The following MYNN variants were observed in gnomAD, a reference collection of about 807,000 sequenced individuals.
MYNN encodes zinc finger and BTB domain-containing protein 31.
A neutral mutation model predicts 57.2 loss-of-function variants in MYNN; 22 were observed. That is an observed-to-expected ratio of 0.38 (90% CI 0.27 to 0.55). MYNN has a LOEUF of 0.55. Ranked by LOEUF, MYNN falls within the 20% of genes least tolerant of loss-of-function variation. The probability of loss-of-function intolerance (pLI) is 0.71; values close to 1 mark genes in which losing one functional copy is unlikely to be tolerated. For synonymous variants in MYNN, 241 were observed against 257.1 expected (o/e 0.94, Z 0.60); for missense variants, 566 against 723.1 (o/e 0.78, Z 2.49).
rs189742983 is a variant in MYNN at position 169,777,020 on chromosome 3, T to A, written c.267-1748T>A. 5.9e-5 allele frequency among the ~76,000 whole-genome samples: 9 copies of A among 152,218 alleles called. No homozygotes were observed. The East Asian group carries it at 1.3e-3, about 23-fold the overall frequency. ...TAATGTATGACTTCCTGCTAACTTA[T>A]ATTGGTCTTAAAGGCTACCTGACCT... On this transcript the variant is annotated intron_variant, in intron 2 of 7. Transcript: ENST00000349841.
In MYNN at chr3:169,789,487, A is replaced by G. The variant is rs978766641; in HGVS notation, c.*2809A>G. The G allele has an allele frequency of 2.0e-5, 3 of 152,196 alleles. No homozygotes were observed. Among genetic ancestry groups the G allele is most frequent in the Non-Finnish European group, 4.4e-5 (3 of 68,028 alleles). 9.4% of individuals were successfully genotyped at this position (152,196 alleles called of 1,614,324 possible). The stretch of plus-strand genomic sequence containing the variant: ...ATATGCTGGGGAAGCCCCATAGGTG[A>G]TTTTAATGTATACCAAACATGTAGA... On this transcript the variant is annotated 3_prime_UTR_variant, in exon 8 of 8. Coordinates refer to ENST00000349841, the MANE Select transcript of MYNN (RefSeq NM_018657.5).
chr3:169,774,065 G>C, intron 1 of MYNN, 200 bp from the exon 2 acceptor site: 3 of 484,726 alleles, frequency 6.2e-6, no homozygotes, highest in Non-Finnish European at 1.1e-5. Flanking sequence ...GTCACTTATT[G>C]ATGTGTCCAA....
At chr3:169,784,829 C>CA in intron 7 of MYNN, 121 bp downstream of exon 7, 1 of 497,604 alleles carries the variant, frequency 2.0e-6, no homozygotes, top group South Asian at 3.4e-5. Flanking sequence ...ATGTCTATTT[C>CA]AAAAACTAGG....
In MYNN at chr3:169,782,363, G is replaced by A; in HGVS notation, c.1221-102G>A. ...GATTTTAAATACATAGTCTTGGCCT[G>A]TTAAGATGACATGAAATAAAATCTA... On this transcript the variant is annotated intron_variant, in intron 4 of 7. Coordinates refer to ENST00000349841, the MANE Select transcript of MYNN (RefSeq NM_018657.5). The surrounding 1 kb of genome is among the most constrained non-coding windows in gnomAD (Gnocchi z 4.8). 2 of 955,196 alleles carry A rather than the reference G, an allele frequency of 2.1e-6. No individual in the cohort carries two copies. Among genetic ancestry groups the A allele is most frequent in the Non-Finnish European group, 3.1e-6 (2 of 650,778 alleles). The allele number at this position is 955,196 out of a possible 1,614,324, so 59.2% of individuals were successfully genotyped here.
At chr3:169,777,544 A>G (rs1778386109) in intron 2 of MYNN, 1 of 151,972 alleles carries the variant, frequency 6.6e-6, no homozygotes, top group African/African-American at 2.4e-5. Flanking sequence ...TTTTAGTGTT[A>G]ACACCAACTC....
At chr3:169,783,629 T>C (rs561763725) in intron 6 of MYNN, 69 bp downstream of exon 6, 2 of 1,087,546 alleles carry the variant, frequency 1.8e-6, no homozygotes, top group East Asian at 4.7e-5. Context: ...ACCTTGACTT[T>C]TAAGCCATTA....
intron 2 of MYNN, among the ~76,000 whole-genome samples, chr3:169,776,755 G>A (rs1778356713): frequency 7.1e-6 from 1 of 139,904 alleles, no homozygotes. Flanking sequence ...CCAGGCTGGA[G>A]TGCAATGGCG....
intron 1 of MYNN, 41 bp from the exon 2 acceptor site, chr3:169,774,224 A>G: frequency 6.7e-7 from 1 of 1,482,254 alleles, no homozygotes; most frequent in South Asian, 1.2e-5. Flanking sequence ...CGTTGATGAG[A>G]ACTTACGGTT....
In MYNN at chr3:169,784,504, T is replaced by C. The variant is rs552639934; in HGVS notation, c.1484-118T>C. 114 of 651,910 alleles carry C rather than the reference T, an allele frequency of 1.7e-4. 2 individuals carry two copies. The South Asian group carries it at 2.1e-3, about 12-fold the overall frequency. The allele number at this position is 651,910 out of a possible 1,614,324, so 40.4% of individuals were successfully genotyped here. Reference sequence around the variant, plus strand: ...ATAACCAGGTGATTAAAGTGACAATTTGAAACCAAATTTAAACACTATAAT... The same window carrying C: ...ATAACCAGGTGATTAAAGTGACAATCTGAAACCAAATTTAAACACTATAAT... On this transcript the variant is annotated intron_variant, in intron 6 of 7. Coordinates refer to ENST00000349841, the MANE Select transcript of MYNN (RefSeq NM_018657.5).
intron 2 of MYNN, 28 bp downstream of exon 2, chr3:169,774,589 T>C (rs370659143): frequency 1.9e-6 from 3 of 1,593,062 alleles, no homozygotes; most frequent in Non-Finnish European, 1.7e-6. Context: ...TTTTCAGTTA[T>C]AAAAGCTAGT....
intron 2 of MYNN, among the ~76,000 whole-genome samples, chr3:169,777,034 G>C (rs937341612): frequency 6.6e-6 from 1 of 152,156 alleles, no homozygotes; most frequent in Non-Finnish European, 1.5e-5. Context: ...GGTCTTAAAG[G>C]CTACCTGACC....
intron 2 of MYNN, chr3:169,777,905 C>T (rs1334334052): frequency 6.6e-6 from 1 of 152,160 alleles, no homozygotes; most frequent in Admixed American, 6.5e-5. Flanking sequence ...GTGGATTCCT[C>T]TAAGCAACAT....
At chr3:169,781,668 G>C (rs1342008353) in intron 4 of MYNN, among the ~76,000 whole-genome samples, 1 of 152,214 alleles carries the variant, frequency 6.6e-6, no homozygotes, top group Non-Finnish European at 1.5e-5. Context: ...AATCCCAAGT[G>C]AAGGAAGTTA....
chr3:169,784,834 AC>A, intron 7 of MYNN, 126 bp downstream of exon 7: 1 of 543,400 alleles, frequency 1.8e-6, no homozygotes, highest in Non-Finnish European at 3.2e-6. Context: ...TATTTCAAAA[AC>A]TAGGTATATA....
At position 169,779,013 on chromosome 3, in the gene MYNN, C is replaced by T. The variant is rs764466451; in HGVS notation, c.512C>T (p.Ala171Val). The change falls in exon 3 of 8, where the codon GCG (alanine) becomes GTG (valine). Residue 171 changes from alanine to valine, a missense_variant. Coordinates refer to ENST00000349841, the MANE Select transcript of MYNN (RefSeq NM_018657.5). ...ATTCAGGCAAATCCTAAACAAGGCG[C>T]GTTAGCGAAAAAGTCATCTCAAACG... is the stretch of plus-strand genomic sequence containing the variant. ...DLIQANPKQG[A>V]LAKKSSQTKK... 13 of 1,613,668 alleles carry T rather than the reference C, an allele frequency of 8.1e-6. No individual in the cohort carries two copies. The highest frequency in any genetic ancestry group is 6.6e-5 in the South Asian group (6 of 91,078).
Position 169,782,398 on chromosome 3 carries a change from T to G in MYNN, c.1221-67T>G. 1 of 1,299,512 alleles carries G rather than the reference T, an allele frequency of 7.7e-7. No individual in the cohort carries two copies. The highest frequency in any genetic ancestry group is 1.1e-6 in the Non-Finnish European group (1 of 946,292). 80.5% of individuals were successfully genotyped at this position (1,299,512 alleles called of 1,614,324 possible). A position where few individuals can be genotyped will look rare whatever the true frequency, so the allele number is the denominator to read the frequency against. ...CATGAAATAAAATCTATAAAAAACTTTATGAATTCTTGCTATATAGACTGA... is the reference window on the plus strand; with the variant it reads ...CATGAAATAAAATCTATAAAAAACTGTATGAATTCTTGCTATATAGACTGA... On this transcript the variant is annotated intron_variant, in intron 4 of 7. Transcript: ENST00000349841. The surrounding 1 kb of genome is among the most constrained non-coding windows in gnomAD (Gnocchi z 4.8).
Position 169,788,926 on chromosome 3 carries a change from C to T in MYNN, c.*2248C>T, listed in dbSNP as rs888611109. 2.0e-5 allele frequency: 3 copies of T among 152,090 alleles called. No individual in the cohort carries two copies. The highest frequency in any genetic ancestry group is 2.9e-5 in the Non-Finnish European group (2 of 67,994). The allele number at this position is 152,090 out of a possible 1,614,324, so 9.4% of individuals were successfully genotyped here. The stretch of plus-strand genomic sequence containing the variant: ...TCTGGTATCATTCTAACACTCATAA[C>T]TACCATTTTAGTTAAGTCCAACTTT... On this transcript the variant is annotated 3_prime_UTR_variant, in exon 8 of 8. Coordinates refer to ENST00000349841, the MANE Select transcript of MYNN (RefSeq NM_018657.5).
rs747312323 is a variant in MYNN, at chr3:169,782,512, G to T, written c.1268G>T (p.Arg423Ile). 20 of 1,613,870 alleles carry T rather than the reference G, an allele frequency of 1.2e-5. No individual in the cohort carries two copies. The highest frequency in any genetic ancestry group is 1.6e-5 in the Non-Finnish European group (19 of 1,179,910). The change falls in exon 5 of 8, where the codon AGA becomes ATA. Residue 423 changes from arginine to isoleucine, a missense_variant. By Grantham distance (97) the Arg-to-Ile change is moderately conservative. Transcript: ENST00000349841. The surrounding 1 kb of genome is among the most constrained non-coding windows in gnomAD (Gnocchi z 4.8). ...KPYVCDRCGQ[R>I]FAQASTLTYH... ...TATGTCTGTGATAGGTGTGGACAGA[G>T]ATTTGCTCAAGCCAGCACACTGACC...
chr3:169,779,700 A>AAT, intron 3 of MYNN, 139 bp downstream of exon 3: 2 of 880,668 alleles, frequency 2.3e-6, no homozygotes, highest in Non-Finnish European at 3.3e-6. Flanking sequence ...AACAGTGTTA[A>AAT]ACTGTTGAAA....
Sources: gnomAD v4.1 joint callset for allele counts (sites outside exome capture counted in the v4.1 genomes callset) on GRCh38, gnomAD v4.1.1 for gene constraint, Gnocchi (gnomAD v3.1) non-coding constraint, MANE v1.5 for transcripts, NCBI Gene and HGNC (gene_info 2026-07-23, HGNC 2026-07-21) for gene names.